The following CILP2 variants were observed in gnomAD, a reference collection of about 807,000 sequenced individuals.
CILP2 encodes CILP-2.
CILP2 carries 38 observed loss-of-function variants against 45.6 expected under a neutral mutation model. That is an observed-to-expected ratio of 0.83 (90% confidence interval 0.64 to 1.09). CILP2 has a LOEUF of 1.09. Among genes scored for constraint, CILP2 ranks in the 50% least tolerant of loss-of-function variants. The pLI is 0.00. For synonymous variants in CILP2, 780 were observed against 723.5 expected (o/e 1.08, Z -1.25); for missense variants, 1,735 against 1,662.2 (o/e 1.04, Z -0.76).
intron 1 of CILP2, among the ~76,000 whole-genome samples, chr19:19,539,154 G>A (rs2061233411): frequency 6.6e-6 from 1 of 152,164 alleles, no homozygotes; most frequent in Admixed American, 6.5e-5. Flanking sequence ...AGAGGTACCT[G>A]GCTTTGGGGG....
chr19:19,539,623 C>T, intron 1 of CILP2, 56 bp from the exon 2 acceptor site: 1 of 1,305,960 alleles, frequency 7.7e-7, no homozygotes, highest in Non-Finnish European at 1.0e-6. Context: ...AAAGGAGGCT[C>T]CCAGCGGTCC....
chr19:19,541,383 C>T (rs2061243428), intron 4 of CILP2, 137 bp downstream of exon 4: 1 of 814,574 alleles, frequency 1.2e-6, no homozygotes, highest in African/African-American at 1.8e-5. Flanking sequence ...TGAGCGATGC[C>T]TAGAGGGGAG....
chr19:19,545,628 G>C lies in CILP2; in HGVS notation c.3083G>C (p.Arg1028Pro). ...CGCGTGGCCGTCAACGGACTCCTTC[G>C]GGATTACCTGACCCGGCACCCCCCA... Reference protein sequence around the residue: ...CRRVAVNGLLRDYLTRHPPPV... With the variant: ...CRRVAVNGLLPDYLTRHPPPV... The change falls in exon 8 of 8, where the codon CGG (arginine) becomes CCG (proline). Residue 1028 changes from arginine (R) to proline (P), a missense_variant. By Grantham distance (103) the Arg-to-Pro change is moderately radical (BLOSUM62 -2). Transcript: ENST00000291495. 6.2e-7 allele frequency: 1 copy of C among 1,608,076 alleles called. No individual in the cohort carries two copies. Among genetic ancestry groups the C allele is most frequent in the South Asian group, 1.1e-5 (1 of 90,574 alleles).
chr19:19,541,394 G>A, intron 4 of CILP2, 148 bp downstream of exon 4: 1 of 749,100 alleles, frequency 1.3e-6, no homozygotes, highest in Non-Finnish European at 1.8e-6. Flanking sequence ...TAGAGGGGAG[G>A]AGCTAGTTGG....
rs75348049 is a variant in CILP2 at position 19,544,940 on chromosome 19, G to C, written c.2395G>C (p.Ala799Pro). Residue 799 changes from alanine (A) to proline (P), a missense_variant, in exon 8 of 8, where the codon GCC becomes CCC. By Grantham distance (27) the Ala-to-Pro change is conservative (BLOSUM62 -1). Transcript: ENST00000291495. ...NGACLPAFCDADRPDAYTALV... is the reference protein window; with the variant it reads ...NGACLPAFCDPDRPDAYTALV... ...CGCCTGCCTCCCCGCCTTCTGCGACGCCGACAGGCCAGACGCCTACACCGC... is the reference window on the plus strand; with the variant it reads ...CGCCTGCCTCCCCGCCTTCTGCGACCCCGACAGGCCAGACGCCTACACCGC... 1.3e-6 allele frequency: 2 copies of C among 1,592,978 alleles called. No individual in the cohort carries two copies. Among genetic ancestry groups the C allele is most frequent in the Middle Eastern group, 3.4e-4 (2 of 5,900 alleles).
At position 19,545,488 on chromosome 19, in the gene CILP2, C is replaced by G; in HGVS notation, c.2943C>G (p.Pro981=). The G allele has an allele frequency of 6.2e-7, 1 of 1,612,316 alleles. No individual in the cohort carries two copies. ...GGGATGCCCGGAGTGTGCGAGACCC[C>G]GAGCGTCCGGGCACCTCGGCAGCCT... ...GLRDARSVRD[P]ERPGTSAACV... is the part of the protein sequence containing the mutation. The change falls in exon 8 of 8, where the codon CCC becomes CCG. Residue 981 remains proline, a synonymous_variant. Transcript: ENST00000291495.
Position 19,544,730 on chromosome 19 carries a change from C to A in CILP2, c.2185C>A (p.Leu729Met), listed in dbSNP as rs557558593. ...GATCCGGGAGCGGCGCCTGTTCAAT[C>A]TGGACGTGCCTGAGCGCCGCCGCTG... Reference protein sequence around the residue: ...VEIRERRLFNLDVPERRRCFV... With the variant: ...VEIRERRLFNMDVPERRRCFV... Residue 729 changes from leucine to methionine, a missense_variant, in exon 8 of 8, where the codon CTG becomes ATG. Physicochemically the swap from Leu to Met is conservative, Grantham distance 15. Coordinates refer to ENST00000291495, the MANE Select transcript of CILP2 (RefSeq NM_153221.2). The A allele has an allele frequency of 1.9e-6, 3 of 1,601,242 alleles. No homozygotes were observed. In the African/African-American group the frequency reaches 4.0e-5, roughly 21 times the overall value.
In CILP2 at chr19:19,544,031, G is replaced by C. The variant is rs1241463957; in HGVS notation, c.1486G>C (p.Gly496Arg). ...GCTACGCTTCGCCAGGATTCTGCTG[G>C]GCCAGGAGCCCATCGGCTTCACCGC... is the stretch of plus-strand genomic sequence containing the variant. ...EPLRFARILL[G>R]QEPIGFTAYQ... The change falls in exon 8 of 8, where the codon GGC becomes CGC. Residue 496 changes from glycine to arginine, a missense_variant. Physicochemically the swap from Gly to Arg is moderately radical, Grantham distance 125. Coordinates refer to ENST00000291495, the MANE Select transcript of CILP2 (RefSeq NM_153221.2). 6.2e-7 allele frequency: 1 copy of C among 1,613,866 alleles called. No individual in the cohort carries two copies. Among genetic ancestry groups the C allele is most frequent in the Non-Finnish European group, 8.5e-7 (1 of 1,179,926 alleles).
chr19:19,541,217 C>T lies in CILP2; in HGVS notation c.563C>T (p.Ala188Val). ...GDACPGRPLE[A>V]QKCVRPRCPG... ...GCGTGTCCCGGGCGTCCTCTGGAGG[C>T]GCAGAAGTGCGTGCGGCCTCGGTGT... Residue 188 changes from alanine to valine, a missense_variant, in exon 4 of 8, where the codon GCG becomes GTG. Transcript: ENST00000291495. 7.8e-7 allele frequency: 1 copy of T among 1,281,376 alleles called. No homozygotes were observed. Among genetic ancestry groups the T allele is most frequent in the Non-Finnish European group, 9.9e-7 (1 of 1,013,066 alleles). The allele number at this position is 1,281,376 out of a possible 1,614,324, so 79.4% of individuals were successfully genotyped here.
At position 19,545,332 on chromosome 19, in the gene CILP2, G is replaced by A. The variant is rs2061260858; in HGVS notation, c.2787G>A (p.Trp929Ter). The A allele has an allele frequency of 6.2e-7, 1 of 1,612,454 alleles. No homozygotes were observed. Among genetic ancestry groups the A allele is most frequent in the Non-Finnish European group, 8.5e-7 (1 of 1,179,812 alleles). Reference protein sequence around the residue: ...PASWTGDLLAWWPNPQEFRAC... With the variant: ...PASWTGDLLA The stretch of plus-strand genomic sequence containing the variant: ...CCTGGACTGGCGATCTCCTGGCCTG[G>A]TGGCCCAACCCGCAGGAGTTCCGGG... Residue 929 changes from tryptophan (W) to a stop codon, truncating the protein, a stop_gained, in exon 8 of 8, where the codon TGG becomes TGA. Transcript: ENST00000291495. LOFTEE classifies it low-confidence loss of function (END_TRUNC).
Position 19,538,306 on chromosome 19 carries a change from A to G in CILP2, c.-44A>G. ...AGACCCGCCGGAGTTGGACCCGAGC[A>G]CGCCGCGGAGCCCGGACCCTCCCTC... On this transcript the variant is annotated 5_prime_UTR_variant, in exon 1 of 8. Coordinates refer to ENST00000291495, the MANE Select transcript of CILP2 (RefSeq NM_153221.2). 4.6e-6 allele frequency: 7 copies of G among 1,534,128 alleles called. No homozygotes were observed. Among genetic ancestry groups the G allele is most frequent in the Non-Finnish European group, 6.1e-6 (7 of 1,144,790 alleles).
Position 19,544,814 on chromosome 19 carries a change from G to A in CILP2, c.2269G>A (p.Gly757Ser), listed in dbSNP as rs780314576. The change falls in exon 8 of 8, where the codon GGC (glycine) becomes AGC (serine). Residue 757 changes from glycine to serine, a missense_variant. By Grantham distance (56) the Gly-to-Ser change is moderately conservative. Coordinates refer to ENST00000291495, the MANE Select transcript of CILP2 (RefSeq NM_153221.2). ...GTTCACCCCCAGCGAGCAGGTGGAG[G>A]GCGTGGTGGTCACGCTGGTCAATCT... is the stretch of plus-strand genomic sequence containing the variant. ...DKFTPSEQVEGVVVTLVNLEP... is the reference protein window; with the variant it reads ...DKFTPSEQVESVVVTLVNLEP... 12 of 1,603,962 alleles carry A rather than the reference G, an allele frequency of 7.5e-6. No individual in the cohort carries two copies. The highest frequency in any genetic ancestry group is 8.5e-6 in the Non-Finnish European group (10 of 1,179,548).
chr19:19,544,727 A>T lies in CILP2; in HGVS notation c.2182A>T (p.Asn728Tyr). The T allele has an allele frequency of 6.3e-7, 1 of 1,599,540 alleles. No homozygotes were observed. Among genetic ancestry groups the T allele is most frequent in the Non-Finnish European group, 8.5e-7 (1 of 1,176,842 alleles). The change falls in exon 8 of 8, where the codon AAT becomes TAT. Residue 728 changes from asparagine (N) to tyrosine (Y), a missense_variant. Coordinates refer to ENST00000291495, the MANE Select transcript of CILP2 (RefSeq NM_153221.2). ...NVEIRERRLF[N>Y]LDVPERRRCF... ...GGAGATCCGGGAGCGGCGCCTGTTC[A>T]ATCTGGACGTGCCTGAGCGCCGCCG... is the stretch of plus-strand genomic sequence containing the variant.
chr19:19,542,305 G>T, intron 4 of CILP2, 70 bp from the exon 5 acceptor site: 1 of 1,521,766 alleles, frequency 6.6e-7, no homozygotes, highest in Admixed American at 2.0e-5. Context: ...GTGACTGATT[G>T]AATGGAAAGC....
chr19:19,538,831 A>G (rs1213235958), intron 1 of CILP2, among the ~76,000 whole-genome samples: 1 of 152,226 alleles, frequency 6.6e-6, no homozygotes, highest in Non-Finnish European at 1.5e-5. Flanking sequence ...TGAGGCACCC[A>G]GAAGGAAGGG....
rs776388468 is a variant in CILP2, at chr19:19,545,040, T to G, written c.2495T>G (p.Val832Gly). The change falls in exon 8 of 8, where the codon GTG (valine) becomes GGG (glycine). Residue 832 changes from valine to glycine, a missense_variant. Transcript: ENST00000291495. ...PSLPRPLPAT[V>G]GVTQPYLDRL... ...TTGCCCCGCCCACTCCCGGCCACCG[T>G]GGGCGTCACCCAGCCCTACCTGGAC... 4.4e-6 allele frequency: 7 copies of G among 1,608,130 alleles called. No homozygotes were observed. Among genetic ancestry groups the G allele is most frequent in the Non-Finnish European group, 5.1e-6 (6 of 1,178,902 alleles).
rs763462551 is a variant in CILP2, at chr19:19,539,732, T to C, written c.118T>C (p.Ser40Pro). Residue 40 changes from serine to proline, a missense_variant, in exon 2 of 8, where the codon TCC (serine) becomes CCC (proline). Physicochemically the swap from Ser to Pro is moderately conservative, Grantham distance 74 (BLOSUM62 -1). Transcript: ENST00000291495. ...GACTGCACTGGGCCTGGAAAGACGG[T>C]CCGTGTACACCGGCCAGCCCTCACC... is the stretch of plus-strand genomic sequence containing the variant. ...MATALGLERR[S>P]VYTGQPSPAL... The C allele has an allele frequency of 1.9e-6, 3 of 1,606,844 alleles. No individual in the cohort carries two copies. Among genetic ancestry groups the C allele is most frequent in the East Asian group, 4.5e-5 (2 of 44,262 alleles).
At chr19:19,541,307 G>A in intron 4 of CILP2, 61 bp downstream of exon 4, 1 of 1,235,790 alleles carries the variant, frequency 8.1e-7, no homozygotes, top group Non-Finnish European at 1.0e-6. Context: ...GGAGGTTAGG[G>A]GCTGAGCCTG....
chr19:19,538,417 A>G lies in CILP2; in HGVS notation c.64+4A>G. 6.5e-7 allele frequency: 1 copy of G among 1,538,602 alleles called. No homozygotes were observed. The highest frequency in any genetic ancestry group is 1.9e-4 in the Middle Eastern group (1 of 5,374). On this transcript the variant is annotated splice_donor_region_variant and intron_variant, in intron 1 of 7. Transcript: ENST00000291495. ...GCGCACCTGGCGGGGGCCCGAGGTG[A>G]GGCGCCTCCAGCCCCCGCGCCCAGC...
Sources: allele counts gnomAD v4.1 joint callset (sites outside exome capture counted in the v4.1 genomes callset), GRCh38; gene constraint gnomAD v4.1.1; transcripts MANE v1.5; gene names NCBI Gene and HGNC (gene_info 2026-07-23, HGNC 2026-07-21).